GABRG3: variants seen among roughly 807,000 people sequenced by gnomAD.
GABRG3 encodes gamma-aminobutyric acid receptor subunit gamma-3.
In GABRG3, 25 loss-of-function variants were observed where a neutral mutation model predicts 48.8. The observed-to-expected ratio is 0.51, with a 90% CI of 0.37 to 0.72. GABRG3 has a LOEUF of 0.72. Among genes scored for constraint, GABRG3 ranks in the 30% least tolerant of loss-of-function variants. The pLI is 0.00. For missense variants in GABRG3, 394 were observed against 577.9 expected (o/e 0.68, Z 3.26); for synonymous variants, 227 against 217.6 (o/e 1.04, Z -0.38).
chr15:27,300,268 C>A (rs1049241307), intron 3 of GABRG3, among the ~76,000 whole-genome samples: 1 of 151,968 alleles, frequency 6.6e-6, no homozygotes, highest in Non-Finnish European at 1.5e-5. Flanking sequence ...ATATGGAGAC[C>A]CATGGACATT....
intron 5 of GABRG3, among the ~76,000 whole-genome samples, chr15:27,376,325 A>T (rs1166878389): frequency 2.0e-5 from 3 of 152,176 alleles, no homozygotes. Flanking sequence ...CACGATGCAA[A>T]CCATCAGTGG....
chr15:27,392,207 C>T (rs968549918), intron 5 of GABRG3, among the ~76,000 whole-genome samples: 6 of 152,138 alleles, frequency 3.9e-5, no homozygotes, highest in East Asian at 3.9e-4. Flanking sequence ...CTAGCCTCCA[C>T]GCTTTGTTCA....
In GABRG3 at chr15:27,254,365, G is replaced by A. The variant is rs79100347; in HGVS notation, c.271-72444G>A. ...GAGCATGTCACACAGGAGGGTTCTC[G>A]CCTGTTCTTCTGAGTACGCTACTGT... On this transcript the variant is annotated intron_variant, in intron 3 of 9. Coordinates refer to ENST00000615808, the MANE Select transcript of GABRG3 (RefSeq NM_033223.5). Among the ~76,000 whole-genome samples, 124 of 152,202 alleles carry A rather than the reference G, an allele frequency of 8.1e-4. 1 individual carries two copies. In the East Asian group the frequency reaches 0.014, roughly 17 times the overall value.
chr15:27,279,202 T>C (rs1891354030), intron 3 of GABRG3, among the ~76,000 whole-genome samples: 2 of 152,226 alleles, frequency 1.3e-5, no homozygotes, highest in African/African-American at 4.8e-5. Context: ...TATTTTCTCT[T>C]AGTTTGTAGA....
intron 3 of GABRG3, among the ~76,000 whole-genome samples, chr15:27,089,828 T>C (rs1897154908): frequency 6.6e-6 from 1 of 152,264 alleles, no homozygotes; most frequent in South Asian, 2.1e-4. Flanking sequence ...CTTCTTTCAC[T>C]CAGCATCATG....
intron 3 of GABRG3, among the ~76,000 whole-genome samples, chr15:27,227,195 A>G (rs1889650131): frequency 1.3e-5 from 2 of 152,208 alleles, no homozygotes; most frequent in South Asian, 4.1e-4. Context: ...TAATTAAGAA[A>G]TAAAAACAGG....
intron 6 of GABRG3, among the ~76,000 whole-genome samples, chr15:27,509,033 T>C (rs1890834009): frequency 1.3e-5 from 2 of 152,166 alleles, no homozygotes; most frequent in African/African-American, 4.8e-5. Context: ...TCCCTCAGTT[T>C]TTGTTTTTCT....
intron 5 of GABRG3, among the ~76,000 whole-genome samples, chr15:27,399,598 G>A (rs1337602043): frequency 6.6e-6 from 1 of 152,204 alleles, no homozygotes; most frequent in Non-Finnish European, 1.5e-5. Flanking sequence ...TGACTTGGAA[G>A]TATGTTTTCT....
chr15:26,987,284 G>T (rs1895170093), intron 2 of GABRG3, among the ~76,000 whole-genome samples: 1 of 152,168 alleles, frequency 6.6e-6, no homozygotes, highest in African/African-American at 2.4e-5. Flanking sequence ...CAGTGCTTCG[G>T]CTTCTGTTTC....
intron 2 of GABRG3, among the ~76,000 whole-genome samples, chr15:27,013,917 G>C (rs1895732485): frequency 6.6e-6 from 1 of 152,022 alleles, no homozygotes; most frequent in African/African-American, 2.4e-5. Context: ...GTTTATATTG[G>C]AATTATATAG....
intron 3 of GABRG3, among the ~76,000 whole-genome samples, chr15:27,087,225 G>A (rs1392730438): frequency 2.0e-5 from 3 of 152,134 alleles, no homozygotes; most frequent in Non-Finnish European, 4.4e-5. Context: ...GAGGTGCAGC[G>A]GGCATGTCTA....
At chr15:27,325,332 A>T (rs966202929) in intron 3 of GABRG3, among the ~76,000 whole-genome samples, 2 of 152,154 alleles carry the variant, frequency 1.3e-5, no homozygotes, top group African/African-American at 4.8e-5. Flanking sequence ...AGACAGACAC[A>T]TGGACTTGGG....
At chr15:27,019,350 A>C (rs141150387) in intron 2 of GABRG3, among the ~76,000 whole-genome samples, 1 of 152,016 alleles carries the variant, frequency 6.6e-6, no homozygotes, top group Non-Finnish European at 1.5e-5. Flanking sequence ...GATTACAGGC[A>C]TGAGCCACCG....
chr15:27,417,994 G>A (rs2140607341), intron 5 of GABRG3, among the ~76,000 whole-genome samples: 2 of 152,314 alleles, frequency 1.3e-5, no homozygotes, highest in Admixed American at 1.3e-4. Context: ...TATGGTGAGT[G>A]GGAAAGGTCC....
intron 3 of GABRG3, among the ~76,000 whole-genome samples, chr15:27,270,728 C>G (rs1469699391): frequency 6.6e-6 from 1 of 152,106 alleles, no homozygotes; most frequent in Non-Finnish European, 1.5e-5. Flanking sequence ...AGAGATGTAA[C>G]TCTAAGAGTT....
chr15:27,092,606 C>T (rs901778198), intron 3 of GABRG3, among the ~76,000 whole-genome samples: 2 of 152,130 alleles, frequency 1.3e-5, no homozygotes, highest in African/African-American at 2.4e-5. Context: ...TGCCGTGCAG[C>T]GGACTGTGCT....
chr15:27,100,148 G>A (rs1897331401), intron 3 of GABRG3, among the ~76,000 whole-genome samples: 1 of 151,380 alleles, frequency 6.6e-6, no homozygotes, highest in Non-Finnish European at 1.5e-5. Flanking sequence ...AACCCAGGAG[G>A]TGGAGGTTGC....
intron 7 of GABRG3, among the ~76,000 whole-genome samples, chr15:27,526,966 C>A (rs1387569365): frequency 1.3e-5 from 2 of 152,130 alleles, no homozygotes; most frequent in East Asian, 3.9e-4. Flanking sequence ...AGGGATACTG[C>A]AGATGTGCAT....
At chr15:27,202,419 G>A (rs1265747311) in intron 3 of GABRG3, among the ~76,000 whole-genome samples, 1 of 152,106 alleles carries the variant, frequency 6.6e-6, no homozygotes, top group Non-Finnish European at 1.5e-5. Flanking sequence ...ATTATATTAT[G>A]TGTCTCTGTA....
Sources: allele counts gnomAD v4.1 joint callset (sites outside exome capture counted in the v4.1 genomes callset), GRCh38; gene constraint gnomAD v4.1.1; transcripts MANE v1.5; gene names NCBI Gene and HGNC (gene_info 2026-07-23, HGNC 2026-07-21).